The following AGMO variants were observed in gnomAD, a reference collection of about 807,000 sequenced individuals.
The protein encoded by AGMO is glyceryl-ether monooxygenase.
Under a neutral mutation model 60.2 loss-of-function variants are expected in AGMO, and 75 were observed. The ratio of observed to expected loss-of-function variants is 1.25; its 90% CI spans 1.03 to 1.51. The LOEUF (loss-of-function observed/expected upper bound fraction) is 1.51. AGMO is among the 40% of genes most tolerant of loss of function. The pLI is 0.00. For missense variants in AGMO, 763 were observed against 525.5 expected (o/e 1.45, Z -4.42); for synonymous variants, 261 against 177.1 (o/e 1.47, Z -3.76).
chr7:15,307,567 T>G (rs902915360), intron 12 of AGMO, among the ~76,000 whole-genome samples: 1 of 151,992 alleles, frequency 6.6e-6, no homozygotes, highest in Non-Finnish European at 1.5e-5. Flanking sequence ...ACACTATAAT[T>G]ACCTAATCAT....
intron 1 of AGMO, among the ~76,000 whole-genome samples, chr7:15,561,303 G>A (rs1217338097): frequency 1.3e-5 from 2 of 152,108 alleles, no homozygotes; most frequent in Admixed American, 1.3e-4. Flanking sequence ...CCTTCATTCT[G>A]CTGAACTACT....
intron 12 of AGMO, among the ~76,000 whole-genome samples, chr7:15,219,848 A>G (rs924854018): frequency 5.9e-5 from 9 of 152,172 alleles, no homozygotes; most frequent in African/African-American, 2.2e-4. Context: ...CAAGGAGTAT[A>G]TACCTAAGAA....
chr7:15,363,317 TC>T (rs1782837107), intron 12 of AGMO, among the ~76,000 whole-genome samples: 1 of 152,182 alleles, frequency 6.6e-6, no homozygotes, highest in South Asian at 2.1e-4. Flanking sequence ...TTTCAAATGA[TC>T]CTTAAGTTCA....
chr7:15,349,345 C>T (rs974359622), intron 12 of AGMO, among the ~76,000 whole-genome samples: 3 of 152,104 alleles, frequency 2.0e-5, no homozygotes, highest in Admixed American at 6.6e-5. Context: ...CCATCCTTGC[C>T]AGAAGGTTTA....
chr7:15,486,743 A>G (rs12540530), intron 3 of AGMO, among the ~76,000 whole-genome samples: 93,956 of 152,050 alleles, frequency 0.62, 30,387 homozygotes, highest in East Asian at 0.97. Context: ...TTTAATTTTT[A>G]TTTTATCTTT....
At chr7:15,146,929 A>G in the AGMO span, among the ~76,000 whole-genome samples, 2 of 152,236 alleles carry the variant, frequency 1.3e-5, no homozygotes, top group African/African-American at 4.8e-5. Context: ...CAGTGTGCCA[A>G]TAAATTAACA....
chr7:15,162,511 G>A, the AGMO span, among the ~76,000 whole-genome samples: 8 of 152,098 alleles, frequency 5.3e-5, no homozygotes, highest in South Asian at 1.7e-3. Flanking sequence ...TGGACAACAT[G>A]GTGGAAACCC....
rs371492411 is a variant in AGMO at position 15,287,959 on chromosome 7, A to G, written c.1263+77555T>C. Among the ~76,000 whole-genome samples, 7 of 152,310 alleles carry G rather than the reference A, an allele frequency of 4.6e-5. No individual in the cohort carries two copies. The East Asian group carries it at 7.7e-4, about 17-fold the overall frequency. ...GTGCTATGGAAATCTTGACTCTCAG[A>G]TTAATTTGACTAGAATAGCTGTCAC... On this transcript the variant is annotated intron_variant, in intron 12 of 12. Coordinates refer to ENST00000342526, the MANE Select transcript of AGMO (RefSeq NM_001004320.2).
At chr7:15,359,404 GT>G (rs1261562119) in intron 12 of AGMO, among the ~76,000 whole-genome samples, 1 of 150,744 alleles carries the variant, frequency 6.6e-6, no homozygotes, top group Non-Finnish European at 1.5e-5. Context: ...CTAATGTGTG[GT>G]TTTCTATTAC....
chr7:15,221,357 T>C (rs1781915867), intron 12 of AGMO, among the ~76,000 whole-genome samples: 1 of 152,084 alleles, frequency 6.6e-6, no homozygotes, highest in Non-Finnish European at 1.5e-5. Flanking sequence ...GCTAGAAAGC[T>C]GCCTTTTGTG....
chr7:15,494,446 T>C (rs920685019), intron 3 of AGMO, among the ~76,000 whole-genome samples: 10 of 152,206 alleles, frequency 6.6e-5, no homozygotes, highest in African/African-American at 1.9e-4. Context: ...TATGCAATTA[T>C]AGTATAAATA....
intron 3 of AGMO, among the ~76,000 whole-genome samples, chr7:15,467,256 T>C (rs1782319802): frequency 6.6e-6 from 1 of 152,140 alleles, no homozygotes; most frequent in Non-Finnish European, 1.5e-5. Flanking sequence ...TGAGGACATG[T>C]GGAACATATT....
Position 15,432,456 on chromosome 7 carries a change from C to T in AGMO, c.410-1348G>A, listed in dbSNP as rs150618625. Among the ~76,000 whole-genome samples, 748 of 149,748 alleles carry T rather than the reference C, an allele frequency of 5.0e-3. 1 individual carries two copies. The highest frequency in any genetic ancestry group is 0.014 in the Middle Eastern group (4 of 278). The stretch of plus-strand genomic sequence containing the variant: ...ACAGTCTGTATAGAGAATTACCAAA[C>T]AAAATTGTTAAAGAAAAAAGGTCTT... On this transcript the variant is annotated intron_variant, in intron 3 of 12. Coordinates refer to ENST00000342526, the MANE Select transcript of AGMO (RefSeq NM_001004320.2).
At chr7:15,381,872 G>T (rs759309429) in intron 10 of AGMO, among the ~76,000 whole-genome samples, 2 of 152,150 alleles carry the variant, frequency 1.3e-5, no homozygotes, top group Non-Finnish European at 2.9e-5. Context: ...TCCTTTGCAT[G>T]AACATGGATG....
At chr7:15,281,961 G>T (rs1471575045) in intron 12 of AGMO, among the ~76,000 whole-genome samples, 1 of 152,070 alleles carries the variant, frequency 6.6e-6, no homozygotes, top group Admixed American at 6.5e-5. Context: ...TATAGCCTAG[G>T]AACCCATACA....
rs375169207 is a variant in AGMO, at chr7:15,501,080, T to C, written c.409+43692A>G. On this transcript the variant is annotated intron_variant, in intron 3 of 12. Transcript: ENST00000342526. ...TATGATTTTATTCTTTTTAAATTTA[T>C]TAAATATTGTTTTATGTCCAATTGT... is the stretch of plus-strand genomic sequence containing the variant. Among the ~76,000 whole-genome samples, 19 of 152,160 alleles carry C rather than the reference T, an allele frequency of 1.2e-4. No homozygotes were observed. In the South Asian group the frequency reaches 2.1e-3, roughly 17 times the overall value.
chr7:15,123,359 A>G, the AGMO span, among the ~76,000 whole-genome samples: 1 of 152,054 alleles, frequency 6.6e-6, no homozygotes, highest in African/African-American at 2.4e-5. Context: ...TGTATACTAG[A>G]CTGTAAGCCA....
At chr7:15,510,680 G>A (rs1274693804) in intron 3 of AGMO, among the ~76,000 whole-genome samples, 1 of 150,098 alleles carries the variant, frequency 6.7e-6, no homozygotes, top group Non-Finnish European at 1.5e-5. Flanking sequence ...TTTGAAATAA[G>A]CCACAGAAAG....
intron 3 of AGMO, among the ~76,000 whole-genome samples, chr7:15,460,951 G>A (rs1352598107): frequency 6.6e-6 from 1 of 152,242 alleles, no homozygotes; most frequent in African/African-American, 2.4e-5. Flanking sequence ...CAAGAATTAT[G>A]TATTAGTATG....
Sources: gnomAD v4.1 joint callset for allele counts (sites outside exome capture counted in the v4.1 genomes callset) on GRCh38, gnomAD v4.1.1 for gene constraint, MANE v1.5 for transcripts, NCBI Gene and HGNC (gene_info 2026-07-23, HGNC 2026-07-21) for gene names.